Variants in ITGB8 observed in about 807,000 individuals in gnomAD.
ITGB8 encodes the protein integrin subunit beta 8.
In ITGB8, 30 loss-of-function variants were observed where a neutral mutation model predicts 89.5. That is an observed-to-expected ratio of 0.34 (90% CI 0.25 to 0.45). The LOEUF (loss-of-function observed/expected upper bound fraction) is 0.45, where lower values mean the gene tolerates loss of function less well. ITGB8 is among the 20% of genes least tolerant of loss of function. The pLI is 1.00. For missense variants in ITGB8, 836 were observed against 933.3 expected (o/e 0.90, Z 1.36); for synonymous variants, 335 against 320.4 (o/e 1.05, Z -0.49).
rs146940396 is a variant in ITGB8, at chr7:20,395,308, G to A, written c.1146+323G>A. 4.5e-3 allele frequency among the ~76,000 whole-genome samples: 685 copies of A among 152,264 alleles called. 4 individuals carry two copies. Among genetic ancestry groups the A allele is most frequent in the Non-Finnish European group, 6.7e-3 (456 of 68,008 alleles). ...ATGTACATTATTACCATGAAATTGC[G>A]TCATTTCCTATGCCGTAATGATAAA... On this transcript the variant is annotated intron_variant, in intron 8 of 13. Coordinates refer to ENST00000222573, the MANE Select transcript of ITGB8 (RefSeq NM_002214.3).
At chr7:20,386,944 C>T (rs557375468) in intron 6 of ITGB8, among the ~76,000 whole-genome samples, 32 of 152,212 alleles carry the variant, frequency 2.1e-4, no homozygotes, top group East Asian at 5.8e-4. Flanking sequence ...AATAGGGTAT[C>T]GTGATTACAA....
chr7:20,405,362 C>T (rs778724345), intron 11 of ITGB8, among the ~76,000 whole-genome samples: 14 of 149,810 alleles, frequency 9.3e-5, no homozygotes, highest in South Asian at 2.1e-4. Flanking sequence ...CTCTGTCACC[C>T]GGCTGGAGTG....
At chr7:20,358,996 G>C (rs1583487280) in intron 1 of ITGB8, among the ~76,000 whole-genome samples, 1 of 152,174 alleles carries the variant, frequency 6.6e-6, no homozygotes, top group Admixed American at 6.5e-5. Flanking sequence ...ATTTGGTTAG[G>C]ATAATGACCT....
At chr7:20,367,212 T>C (rs757586259) in intron 3 of ITGB8, 26 bp downstream of exon 3, 3 of 1,513,708 alleles carry the variant, frequency 2.0e-6, no homozygotes, top group East Asian at 4.5e-5. Flanking sequence ...AATAAATCTA[T>C]AATGATTCTT....
chr7:20,389,423 A>G (rs1248981309), intron 6 of ITGB8, among the ~76,000 whole-genome samples: 2 of 152,166 alleles, frequency 1.3e-5, no homozygotes, highest in Admixed American at 1.3e-4. Flanking sequence ...AACTTTCTAG[A>G]TTTAAGTTTT....
intron 6 of ITGB8, among the ~76,000 whole-genome samples, chr7:20,386,824 A>G (rs1485304559): frequency 6.6e-6 from 1 of 152,166 alleles, no homozygotes; most frequent in Non-Finnish European, 1.5e-5. Context: ...ATAGAATGGA[A>G]TATTCTCATT....
In ITGB8 at chr7:20,411,862, T is replaced by C. The variant is rs776845431; in HGVS notation, c.*1865T>C. ...GTTCTCCAGTGCTCAGCTTGAGACCTTGATACACGGGCCATGAGCCCTGTC... is the reference window on the plus strand; with the variant it reads ...GTTCTCCAGTGCTCAGCTTGAGACCCTGATACACGGGCCATGAGCCCTGTC... On this transcript the variant is annotated 3_prime_UTR_variant, in exon 14 of 14. Transcript: ENST00000222573. 2 of 152,442 alleles carry C rather than the reference T, an allele frequency of 1.3e-5. No homozygotes were observed. The highest frequency in any genetic ancestry group is 6.5e-5 in the Admixed American group (1 of 15,298). 9.4% of individuals were successfully genotyped at this position (152,442 alleles called of 1,614,324 possible).
intron 1 of ITGB8, among the ~76,000 whole-genome samples, chr7:20,334,202 C>T (rs1449072011): frequency 6.6e-6 from 1 of 152,098 alleles, no homozygotes; most frequent in Non-Finnish European, 1.5e-5. Context: ...AAAATTATAG[C>T]AGTTTGTTTT....
intron 6 of ITGB8, among the ~76,000 whole-genome samples, chr7:20,384,881 T>C (rs897327514): frequency 3.9e-5 from 6 of 152,210 alleles, no homozygotes; most frequent in African/African-American, 7.2e-5. Flanking sequence ...TGTTACACTA[T>C]TGAATAAATT....
chr7:20,383,332 A>G (rs549562083), intron 6 of ITGB8, among the ~76,000 whole-genome samples: 9 of 152,336 alleles, frequency 5.9e-5, no homozygotes, highest in African/African-American at 1.7e-4. Context: ...AGTTATTCCA[A>G]TAGTGTCTTT....
intron 7 of ITGB8, among the ~76,000 whole-genome samples, chr7:20,394,623 T>C (rs1786995592): frequency 6.6e-6 from 1 of 152,224 alleles, no homozygotes; most frequent in South Asian, 2.1e-4. Context: ...TGGGAGATGC[T>C]CATCTGCATT....
chr7:20,384,102 T>C (rs866489008), intron 6 of ITGB8, among the ~76,000 whole-genome samples: 18 of 152,206 alleles, frequency 1.2e-4, no homozygotes, highest in African/African-American at 3.9e-4. Flanking sequence ...ATGTTCTATA[T>C]TGAAAGCTAC....
chr7:20,401,665 G>T, intron 9 of ITGB8, 56 bp from the exon 10 acceptor site: 1 of 1,020,122 alleles, frequency 9.8e-7, no homozygotes, highest in Non-Finnish European at 1.4e-6. Flanking sequence ...ATATAATATT[G>T]GTAATAAAAA....
chr7:20,331,453 C>A lies in ITGB8; in HGVS notation c.-354C>A. The A allele has an allele frequency of 2.4e-6, 1 of 412,068 alleles. No homozygotes were observed. Among genetic ancestry groups the A allele is most frequent in the Middle Eastern group, 6.1e-4 (1 of 1,644 alleles). 25.5% of individuals were successfully genotyped at this position (412,068 alleles called of 1,614,324 possible). A position where few individuals can be genotyped will look rare whatever the true frequency, so the allele number is the denominator to read the frequency against. ...CTGATTTATGCAGCAGAAGCCCCAC[C>A]GGCTGGAGAGAAACAAAAGCTCTTT... On this transcript the variant is annotated 5_prime_UTR_variant, in exon 1 of 14. Transcript: ENST00000222573.
chr7:20,386,243 A>ATTTTTT (rs3032551), intron 6 of ITGB8, among the ~76,000 whole-genome samples: 4 of 144,766 alleles, frequency 2.8e-5, no homozygotes, highest in African/African-American at 7.7e-5. Context: ...CTATGAGAAC[A>ATTTTTT]TTTTTTTTTT....
At chr7:20,357,104 A>G (rs1005988126) in intron 1 of ITGB8, among the ~76,000 whole-genome samples, 7 of 152,158 alleles carry the variant, frequency 4.6e-5, no homozygotes, top group Non-Finnish European at 5.9e-5. Flanking sequence ...TGTCATAACC[A>G]TTTAATTCTG....
At position 20,410,041 on chromosome 7, in the gene ITGB8, A is replaced by G. The variant is rs180951138; in HGVS notation, c.*44A>G. ...TTAATGGGAAACTGGAATTGTTAATAATTGCTCCTAAAGATTATAATTTTA... is the reference window on the plus strand; with the variant it reads ...TTAATGGGAAACTGGAATTGTTAATGATTGCTCCTAAAGATTATAATTTTA... On this transcript the variant is annotated 3_prime_UTR_variant, in exon 14 of 14. Transcript: ENST00000222573. 119 of 1,571,884 alleles carry G rather than the reference A, an allele frequency of 7.6e-5. No homozygotes were observed. In the East Asian group the frequency reaches 2.6e-3, roughly 35 times the overall value.
intron 10 of ITGB8, among the ~76,000 whole-genome samples, chr7:20,404,246 A>G (rs1787439918): frequency 6.6e-6 from 1 of 152,252 alleles, no homozygotes; most frequent in Admixed American, 6.5e-5. Context: ...AAGCCATATC[A>G]AATACCTGTA....
At chr7:20,402,230 C>A in intron 10 of ITGB8, 104 bp downstream of exon 10, 1 of 1,028,776 alleles carries the variant, frequency 9.7e-7, no homozygotes, top group African/African-American at 1.6e-5. Context: ...AAAACTGAAT[C>A]TGAATTTGTT....
Sources: allele counts gnomAD v4.1 joint callset (sites outside exome capture counted in the v4.1 genomes callset), GRCh38; gene constraint gnomAD v4.1.1; transcripts MANE v1.5; gene names NCBI Gene and HGNC (gene_info 2026-07-23, HGNC 2026-07-21).